The following RASSF3 variants were observed in gnomAD, a reference collection of about 807,000 sequenced individuals.
The protein encoded by RASSF3 is ras association domain-containing protein 3.
A neutral mutation model predicts 19.9 loss-of-function variants in RASSF3; 19 were observed. The observed-to-expected ratio is 0.96, with a 90% CI of 0.67 to 1.40. The LOEUF (loss-of-function observed/expected upper bound fraction) is 1.40. RASSF3 is among the 40% of genes most tolerant of loss of function. The probability of loss-of-function intolerance (pLI) is 0.00; values close to 1 mark genes in which losing one functional copy is unlikely to be tolerated. For synonymous variants in RASSF3, 110 were observed against 104.2 expected (o/e 1.06, Z -0.34); for missense variants, 306 against 289.8 (o/e 1.06, Z -0.41).
At chr12:64,691,422 C>G (rs769189901) in intron 3 of RASSF3, 48 bp from the exon 4 acceptor site, 1 of 1,301,462 alleles carries the variant, frequency 7.7e-7, no homozygotes. Flanking sequence ...GAAGTGGTCT[C>G]AGGAATGGCT....
chr12:64,618,057 A>G (rs1172270245), intron 1 of RASSF3, among the ~76,000 whole-genome samples: 3 of 152,216 alleles, frequency 2.0e-5, no homozygotes, highest in Non-Finnish European at 4.4e-5. Context: ...GTTAACCAAA[A>G]TTAACCAAAT....
intron 2 of RASSF3, among the ~76,000 whole-genome samples, chr12:64,600,440 G>A (rs1170595171): frequency 6.6e-6 from 1 of 152,190 alleles, no homozygotes; most frequent in African/African-American, 2.4e-5. Flanking sequence ...CAAACAGTAT[G>A]TGTGTTTACT....
At chr12:64,563,228 G>T (rs1450672279) in intron 2 of RASSF3, among the ~76,000 whole-genome samples, 1 of 150,824 alleles carries the variant, frequency 6.6e-6, no homozygotes, top group African/African-American at 2.4e-5. Flanking sequence ...GGACAATTGC[G>T]TGATCTCGGC....
downstream of RASSF3, chr12:64,541,811 G>A (rs1276905799): frequency 2.5e-6 from 1 of 396,006 alleles, no homozygotes. Flanking sequence ...TGTATCTTCA[G>A]AGGATCGAGC....
At chr12:64,631,575 GTA>G (rs1275905286) in intron 1 of RASSF3, among the ~76,000 whole-genome samples, 5 of 151,336 alleles carry the variant, frequency 3.3e-5, no homozygotes, top group East Asian at 1.9e-4. Context: ...ATGTATGTAT[GTA>G]TGTATGTATG....
At chr12:64,653,787 A>T (rs1217960612) in intron 1 of RASSF3, among the ~76,000 whole-genome samples, 3 of 152,096 alleles carry the variant, frequency 2.0e-5, no homozygotes, top group Admixed American at 1.3e-4. Flanking sequence ...GGCCTTAGCA[A>T]TTCTCCTGCC....
At chr12:64,555,524 C>A (rs1357558710) in intron 2 of RASSF3, among the ~76,000 whole-genome samples, 1 of 151,638 alleles carries the variant, frequency 6.6e-6, no homozygotes, top group Admixed American at 6.6e-5. Flanking sequence ...CCGAGGCAGG[C>A]GGATCATGAG....
intron 1 of RASSF3, among the ~76,000 whole-genome samples, chr12:64,512,311 G>T (rs1286416160): frequency 2.0e-5 from 3 of 152,074 alleles, no homozygotes; most frequent in Admixed American, 2.0e-4. Context: ...TATATTTAGT[G>T]ACCTATAAAA....
intron 1 of RASSF3, among the ~76,000 whole-genome samples, chr12:64,513,498 C>T (rs541264074): frequency 6.8e-4 from 103 of 150,888 alleles, no homozygotes; most frequent in African/African-American, 2.2e-3. Context: ...TACCAAAGTC[C>T]GATTAGAACT....
intron 1 of RASSF3, among the ~76,000 whole-genome samples, chr12:64,640,388 G>A (rs1395565544): frequency 6.6e-6 from 1 of 152,054 alleles, no homozygotes; most frequent in Non-Finnish European, 1.5e-5. Context: ...GCATTATGTT[G>A]TACACAGATC....
intron 2 of RASSF3, among the ~76,000 whole-genome samples, chr12:64,580,798 G>A (rs1025867680): frequency 1.3e-5 from 2 of 151,922 alleles, no homozygotes; most frequent in African/African-American, 4.8e-5. Context: ...TCTCTTGTCT[G>A]TGTGTGTCTG....
chr12:64,687,915 C>T (rs1012154241), intron 2 of RASSF3, among the ~76,000 whole-genome samples: 4 of 152,158 alleles, frequency 2.6e-5, no homozygotes, highest in African/African-American at 9.7e-5. Flanking sequence ...CAAATGGACC[C>T]TGACCTTTTG....
chr12:64,610,881 G>C (rs943129484), intron 1 of RASSF3, 138 bp downstream of exon 1: 5 of 512,996 alleles, frequency 9.7e-6, no homozygotes, highest in African/African-American at 8.2e-5. Flanking sequence ...GCCGAGAAGT[G>C]GCTTCTGCCT....
intron 2 of RASSF3, among the ~76,000 whole-genome samples, chr12:64,561,986 A>AGTATGTAT (rs1280935525): frequency 1.1e-5 from 1 of 93,920 alleles, no homozygotes; most frequent in African/African-American, 3.3e-5. Context: ...CATGGCCCAT[A>AGTATGTAT]GTATTTATTT....
intron 2 of RASSF3, among the ~76,000 whole-genome samples, chr12:64,561,122 G>A (rs937139665): frequency 6.6e-6 from 1 of 152,182 alleles, no homozygotes; most frequent in Non-Finnish European, 1.5e-5. Context: ...CCAGAGGTCT[G>A]CAGCTGTGGC....
At chr12:64,586,771 A>C (rs1157920069) in intron 2 of RASSF3, among the ~76,000 whole-genome samples, 1 of 151,578 alleles carries the variant, frequency 6.6e-6, no homozygotes, top group African/African-American at 2.4e-5. Flanking sequence ...AAAAATACAA[A>C]ATTTAGCTGG....
intron 1 of RASSF3, among the ~76,000 whole-genome samples, chr12:64,538,662 CAAAT>C (rs1026634336): frequency 2.0e-5 from 3 of 151,792 alleles, no homozygotes; most frequent in African/African-American, 4.8e-5. Flanking sequence ...AAAAAAAACA[CAAAT>C]AAAACATAAA....
At chr12:64,603,669 T>C (rs1415755007) in intron 2 of RASSF3, among the ~76,000 whole-genome samples, 5 of 152,246 alleles carry the variant, frequency 3.3e-5, no homozygotes, top group African/African-American at 9.6e-5. Context: ...TTTTATTATG[T>C]GCCAGGCACA....
chr12:64,520,056 G>A (rs1272771651), intron 1 of RASSF3, among the ~76,000 whole-genome samples: 1 of 152,012 alleles, frequency 6.6e-6, no homozygotes, highest in African/African-American at 2.4e-5. Context: ...GATTAAGTGG[G>A]TTGATAGAGA....
Sources: allele counts gnomAD v4.1 joint callset (sites outside exome capture counted in the v4.1 genomes callset), GRCh38; gene constraint gnomAD v4.1.1; transcripts MANE v1.5; gene names NCBI Gene and HGNC (gene_info 2026-07-23, HGNC 2026-07-21).